The following CLIC5 variants were observed in gnomAD, a reference collection of about 807,000 sequenced individuals.
CLIC5 encodes the protein chloride intracellular channel protein 5.
Under a neutral mutation model 24.7 loss-of-function variants are expected in CLIC5, and 20 were observed. The observed-to-expected ratio is 0.81, with a 90% CI of 0.57 to 1.18. The LOEUF is 1.18. Among genes scored for constraint, CLIC5 ranks in the 50% most tolerant of loss-of-function variants. The pLI is 0.00. For synonymous variants in CLIC5, 159 were observed against 135.6 expected, an observed-to-expected ratio of 1.17 and a Z score of -1.20; for missense variants, 341 against 326.1, an observed-to-expected ratio of 1.05 and a Z score of -0.35.
At chr6:45,891,455 G>C (rs1561911880) in intron 6 of CLIC5, among the ~76,000 whole-genome samples, 1 of 152,098 alleles carries the variant, frequency 6.6e-6, no homozygotes, top group Non-Finnish European at 1.5e-5. Flanking sequence ...GGCCAACATG[G>C]TGAAACCCTG....
At chr6:45,891,866 A>C (rs1039249237) in intron 6 of CLIC5, among the ~76,000 whole-genome samples, 1 of 152,198 alleles carries the variant, frequency 6.6e-6, no homozygotes, top group Non-Finnish European at 1.5e-5. Context: ...AATATAAATA[A>C]ATAAATGTAC....
chr6:45,999,884 T>C (rs1240092066), intron 1 of CLIC5, among the ~76,000 whole-genome samples: 10 of 87,040 alleles, frequency 1.1e-4, no homozygotes, highest in African/African-American at 1.9e-4. Flanking sequence ...TAGCTGGGAC[T>C]ACAGGCGCCC....
In CLIC5 at chr6:45,914,406, A is replaced by T. The variant is rs1369082338; in HGVS notation, c.410T>A (p.Leu137His). ...TAGAGCCTTGGTTAGGCCTCTTTCA[A>T]GAGCTGGCATGAAAGAGTAAAAGGG... ...KNTKQQNNAA[L>H]ERGLTKALKK... Residue 137 changes from leucine to histidine, a missense_variant, in exon 5 of 6, where the codon CTT becomes CAT. Coordinates refer to ENST00000339561, the MANE Select transcript of CLIC5 (RefSeq NM_016929.5). The T allele has an allele frequency of 2.6e-6, 4 of 1,565,752 alleles. No individual in the cohort carries two copies. The highest frequency in any genetic ancestry group is 3.4e-4 in the Middle Eastern group (2 of 5,872).
chr6:46,022,926 C>G (rs757734536), intron 1 of CLIC5, among the ~76,000 whole-genome samples: 1 of 152,140 alleles, frequency 6.6e-6, no homozygotes, highest in Admixed American at 6.5e-5. Flanking sequence ...GGCTTTTCAA[C>G]TGGAGTGGAA....
chr6:46,028,491 A>G (rs1454717974), intron 1 of CLIC5, among the ~76,000 whole-genome samples: 3 of 152,254 alleles, frequency 2.0e-5, no homozygotes, highest in Non-Finnish European at 4.4e-5. Flanking sequence ...ATATTGTAAT[A>G]TGAAAAGCTA....
intron 1 of CLIC5, among the ~76,000 whole-genome samples, chr6:45,983,999 G>T (rs759871190): frequency 6.6e-6 from 1 of 152,148 alleles, no homozygotes; most frequent in African/African-American, 2.4e-5. Flanking sequence ...CCAGCACATA[G>T]TAGGGCCTCA....
At chr6:45,959,254 T>G (rs920163767) in intron 1 of CLIC5, among the ~76,000 whole-genome samples, 1 of 152,202 alleles carries the variant, frequency 6.6e-6, no homozygotes, top group Non-Finnish European at 1.5e-5. Flanking sequence ...CCAGAAAGGT[T>G]TTGTTTATGT....
chr6:45,935,429 C>A (rs183071395), intron 4 of CLIC5, among the ~76,000 whole-genome samples: 21 of 152,312 alleles, frequency 1.4e-4, no homozygotes, highest in Admixed American at 2.6e-4. Context: ...GGAGGACAGA[C>A]CTAACTGCTT....
At chr6:45,999,145 C>A (rs1232548289) in intron 1 of CLIC5, among the ~76,000 whole-genome samples, 1 of 152,158 alleles carries the variant, frequency 6.6e-6, no homozygotes, top group Non-Finnish European at 1.5e-5. Flanking sequence ...AAAGAATCAA[C>A]TTTTAGAGCT....
chr6:45,892,036 A>G (rs773108003), intron 6 of CLIC5: 1 of 152,164 alleles, frequency 6.6e-6, no homozygotes, highest in Non-Finnish European at 1.5e-5. Flanking sequence ...TTTACATTCT[A>G]TCTGGAGATC....
chr6:46,053,170 G>A (rs148962650), intron 1 of CLIC5, among the ~76,000 whole-genome samples: 296 of 152,174 alleles, frequency 1.9e-3, no homozygotes, highest in African/African-American at 5.8e-3. Context: ...GAGAGAGAGA[G>A]GAGAGACACT....
intron 5 of CLIC5, among the ~76,000 whole-genome samples, chr6:45,909,891 C>T (rs975066704): frequency 6.6e-6 from 1 of 152,116 alleles, no homozygotes; most frequent in African/African-American, 2.4e-5. Context: ...TTCAGAGAAG[C>T]CCCAGATCAG....
At chr6:46,033,131 G>A (rs909528594) in intron 1 of CLIC5, among the ~76,000 whole-genome samples, 3 of 151,862 alleles carry the variant, frequency 2.0e-5, no homozygotes, top group African/African-American at 7.3e-5. Context: ...TGGGACTACA[G>A]GCATGTGCCA....
chr6:46,034,735 A>T (rs1767614371), intron 1 of CLIC5, among the ~76,000 whole-genome samples: 1 of 152,234 alleles, frequency 6.6e-6, no homozygotes, highest in Non-Finnish European at 1.5e-5. Flanking sequence ...GACTGGCAAC[A>T]TCCCAGCTCA....
intron 4 of CLIC5, among the ~76,000 whole-genome samples, chr6:45,939,895 A>T (rs542495561): frequency 1.3e-5 from 2 of 152,150 alleles, no homozygotes; most frequent in South Asian, 4.2e-4. Context: ...ACACTACTCA[A>T]CACACTATAG....
At chr6:46,034,020 C>T (rs1767593888) in intron 1 of CLIC5, among the ~76,000 whole-genome samples, 1 of 152,168 alleles carries the variant, frequency 6.6e-6, no homozygotes, top group Non-Finnish European at 1.5e-5. Context: ...GTTAGTATAA[C>T]ATAAACAAAA....
chr6:45,973,704 C>A (rs1024023611), intron 1 of CLIC5, among the ~76,000 whole-genome samples: 3 of 152,072 alleles, frequency 2.0e-5, no homozygotes, highest in Admixed American at 2.0e-4. Flanking sequence ...TTTGGGAGGC[C>A]GAGGCGGGCG....
chr6:46,077,115 C>T (rs1313920635), intron 1 of CLIC5, among the ~76,000 whole-genome samples: 3 of 151,342 alleles, frequency 2.0e-5, no homozygotes, highest in Admixed American at 6.6e-5. Flanking sequence ...GCATGGGAGA[C>T]GAGACTTTTT....
chr6:45,889,779 C>G (rs113678081), intron 6 of CLIC5, among the ~76,000 whole-genome samples: 127 of 152,254 alleles, frequency 8.3e-4, no homozygotes, highest in African/African-American at 2.9e-3. Flanking sequence ...CTGATAATCA[C>G]ACCTCCAGGA....
Sources: gnomAD v4.1 joint callset for allele counts (sites outside exome capture counted in the v4.1 genomes callset) on GRCh38, gnomAD v4.1.1 for gene constraint, MANE v1.5 for transcripts, NCBI Gene and HGNC (gene_info 2026-07-23, HGNC 2026-07-21) for gene names.